Variants in RBBP8 observed in about 807,000 individuals in gnomAD.
The protein encoded by RBBP8 is RB binding protein 8, endonuclease.
In RBBP8, 88 loss-of-function variants were observed where a neutral mutation model predicts 108.3. That is an observed-to-expected ratio of 0.81 (90% CI 0.68 to 0.97). RBBP8 has a LOEUF of 0.97. RBBP8 is among the 50% of genes least tolerant of loss of function. The pLI, the probability that RBBP8 is intolerant of heterozygous loss-of-function variation, is 0.00. For synonymous variants in RBBP8, 332 were observed against 348.2 expected (o/e 0.95, Z 0.52); for missense variants, 1,023 against 1,049.0 (o/e 0.98, Z 0.34).
At chr18:22,988,452 T>G (rs1915473761) in intron 8 of RBBP8, among the ~76,000 whole-genome samples, 1 of 152,192 alleles carries the variant, frequency 6.6e-6, no homozygotes, top group Non-Finnish European at 1.5e-5. Flanking sequence ...GACCCTTAAT[T>G]ATACCTAGAA....
chr18:23,005,827 G>C (rs1038889871), intron 15 of RBBP8, among the ~76,000 whole-genome samples: 3 of 152,164 alleles, frequency 2.0e-5, no homozygotes, highest in Admixed American at 6.5e-5. Context: ...ACTTTTAGCT[G>C]TCTAGTAATT....
chr18:22,932,455 T>C (rs949324488), upstream of RBBP8, among the ~76,000 whole-genome samples: 3 of 152,222 alleles, frequency 2.0e-5, no homozygotes, highest in East Asian at 1.9e-4. Flanking sequence ...CTCTTCTGTA[T>C]ACTAACTTTT....
chr18:22,958,117 C>T (rs1912744043), intron 4 of RBBP8, among the ~76,000 whole-genome samples: 1 of 152,172 alleles, frequency 6.6e-6, no homozygotes, highest in Admixed American at 6.5e-5. Context: ...TGAGCTGAAC[C>T]TTTACGATAT....
chr18:22,942,007 A>G (rs1911121882), intron 2 of RBBP8, among the ~76,000 whole-genome samples: 1 of 152,146 alleles, frequency 6.6e-6, no homozygotes, highest in African/African-American at 2.4e-5. Flanking sequence ...ACATAGTTCC[A>G]TATAAAATTA....
intron 16 of RBBP8, among the ~76,000 whole-genome samples, chr18:23,008,822 G>GTCACCCA (rs2046105457): frequency 7.9e-6 from 1 of 127,304 alleles, no homozygotes; most frequent in South Asian, 2.4e-4. Flanking sequence ...CACCCAGGCT[G>GTCACCCA]GAGTGCAGTG....
intron 4 of RBBP8, among the ~76,000 whole-genome samples, chr18:22,951,205 C>G (rs1177598922): frequency 6.6e-6 from 1 of 152,116 alleles, no homozygotes; most frequent in Non-Finnish European, 1.5e-5. Flanking sequence ...AGGTGTTGCT[C>G]TAGGGGGCTA....
chr18:22,916,790 C>T (rs1003780334), intron 2 of RBBP8, among the ~76,000 whole-genome samples: 2 of 152,090 alleles, frequency 1.3e-5, no homozygotes, highest in African/African-American at 4.8e-5. Context: ...TTGTGGATCC[C>T]GCTCTCATTT....
At chr18:22,951,954 G>C in intron 4 of RBBP8, among the ~76,000 whole-genome samples, 1 of 152,178 alleles carries the variant, frequency 6.6e-6, no homozygotes, top group East Asian at 1.9e-4. Flanking sequence ...AGACTTGATT[G>C]ACAGAAAGGA....
At chr18:22,984,748 T>A (rs528235834) in intron 7 of RBBP8, 138 bp from the exon 8 acceptor site, 6 of 522,562 alleles carry the variant, frequency 1.1e-5, no homozygotes, top group Non-Finnish European at 2.0e-5. Context: ...GATAATTATG[T>A]CAATAAAACA....
At chr18:22,957,311 T>TGC (rs1912659147) in intron 4 of RBBP8, among the ~76,000 whole-genome samples, 4 of 147,380 alleles carry the variant, frequency 2.7e-5, no homozygotes, top group Non-Finnish European at 6.0e-5. Flanking sequence ...TTTTTTTTTT[T>TGC]GCCTGTCTTT....
In RBBP8 at chr18:23,026,419, C is replaced by A; in HGVS notation, c.*179C>A. Reference sequence around the variant, plus strand: ...CACCTTTAAAACAATAAGGCGCTTTCATTTTGCACTCTAACTTAAGAGTTT... The same window carrying A: ...CACCTTTAAAACAATAAGGCGCTTTAATTTTGCACTCTAACTTAAGAGTTT... On this transcript the variant is annotated 3_prime_UTR_variant, in exon 19 of 19. Transcript: ENST00000327155. 1.7e-6 allele frequency: 1 copy of A among 586,500 alleles called. No homozygotes were observed. Among genetic ancestry groups the A allele is most frequent in the South Asian group, 1.9e-5 (1 of 51,524 alleles). The allele number at this position is 586,500 out of a possible 1,614,324, so 36.3% of individuals were successfully genotyped here. A position where few individuals can be genotyped will look rare whatever the true frequency, so the allele number is the denominator to read the frequency against.
chr18:23,016,958 A>C (rs929933680), intron 17 of RBBP8, 34 bp downstream of exon 17: 4 of 1,435,024 alleles, frequency 2.8e-6, no homozygotes, highest in Non-Finnish European at 3.9e-6. Context: ...TTTTTTTTTA[A>C]GTACGGCTTT....
chr18:22,968,567 G>A (rs1159051482), intron 4 of RBBP8, among the ~76,000 whole-genome samples: 2 of 152,134 alleles, frequency 1.3e-5, no homozygotes, highest in Non-Finnish European at 2.9e-5. Flanking sequence ...CAATAAATAA[G>A]TTCCCTTAGC....
chr18:22,991,449 A>G (rs1158445717), intron 10 of RBBP8, among the ~76,000 whole-genome samples: 1 of 152,184 alleles, frequency 6.6e-6, no homozygotes, highest in Non-Finnish European at 1.5e-5. Flanking sequence ...CCTATTAACT[A>G]ATAATACAGC....
upstream of RBBP8, among the ~76,000 whole-genome samples, chr18:22,932,252 T>C (rs2144364817): frequency 6.6e-6 from 1 of 152,350 alleles, no homozygotes; most frequent in South Asian, 2.1e-4. Context: ...CTCTGTTAAA[T>C]GACAAACTTA....
chr18:22,936,822 C>G lies in RBBP8; in HGVS notation c.-30C>G. On this transcript the variant is annotated 5_prime_UTR_variant, in exon 2 of 19. Transcript: ENST00000327155. ...ACAGAAAAGGTCAGAAAATATTAAGCAAGTAGAAGTGTGGAGCATATTAAG... is the reference window on the plus strand; with the variant it reads ...ACAGAAAAGGTCAGAAAATATTAAGGAAGTAGAAGTGTGGAGCATATTAAG... 1 of 1,612,956 alleles carries G rather than the reference C, an allele frequency of 6.2e-7. No individual in the cohort carries two copies. Among genetic ancestry groups the G allele is most frequent in the East Asian group, 2.2e-5 (1 of 44,850 alleles).
At chr18:22,975,012 A>C (rs1310451152) in intron 5 of RBBP8, 141 bp from the exon 6 acceptor site, 2 of 1,056,790 alleles carry the variant, frequency 1.9e-6, no homozygotes, top group Non-Finnish European at 1.3e-6. Context: ...TGCGCACACT[A>C]GTGTTAACCC....
chr18:22,969,314 A>G (rs920491137), intron 5 of RBBP8, among the ~76,000 whole-genome samples: 4 of 152,106 alleles, frequency 2.6e-5, no homozygotes, highest in Non-Finnish European at 4.4e-5. Flanking sequence ...TATTTATGAC[A>G]TACTGTTTTC....
chr18:22,949,534 G>A (rs1435223760), intron 3 of RBBP8, 84 bp from the exon 4 acceptor site: 1 of 994,218 alleles, frequency 1.0e-6, no homozygotes, highest in Non-Finnish European at 1.6e-6. Flanking sequence ...CAAGAAATTT[G>A]TTATATAAAC....
Sources: allele counts gnomAD v4.1 joint callset (sites outside exome capture counted in the v4.1 genomes callset), GRCh38; gene constraint gnomAD v4.1.1; transcripts MANE v1.5; gene names NCBI Gene and HGNC (gene_info 2026-07-23, HGNC 2026-07-21).